Variants in KDM4C observed in about 807,000 individuals in gnomAD.
KDM4C encodes the protein lysine demethylase 4C.
Under a neutral mutation model 129.3 loss-of-function variants are expected in KDM4C, and 81 were observed. That is an observed-to-expected ratio of 0.63 (90% confidence interval 0.52 to 0.75). The LOEUF (loss-of-function observed/expected upper bound fraction) is 0.75. KDM4C is among the 30% of genes least tolerant of loss of function. The probability of loss-of-function intolerance (pLI) is 0.00; values close to 1 mark genes in which losing one functional copy is unlikely to be tolerated. For missense variants in KDM4C, 1,457 were observed against 1,304.0 expected (o/e 1.12, Z -1.81); for synonymous variants, 573 against 456.1 (o/e 1.26, Z -3.26).
chr9:6,828,839 C>T (rs1475618431), intron 4 of KDM4C, among the ~76,000 whole-genome samples: 1 of 151,726 alleles, frequency 6.6e-6, no homozygotes, highest in Admixed American at 6.6e-5. Context: ...CCATTGCACT[C>T]CAGCCTGGGC....
At chr9:6,834,485 C>T (rs561917599) in intron 4 of KDM4C, 9 of 603,248 alleles carry the variant, frequency 1.5e-5, no homozygotes, top group Admixed American at 1.3e-4. Flanking sequence ...CGCCCGTCGT[C>T]GACAACGGCT....
intron 8 of KDM4C, among the ~76,000 whole-genome samples, chr9:6,965,354 G>T (rs566448795): frequency 6.6e-6 from 1 of 151,618 alleles, no homozygotes; most frequent in African/African-American, 2.4e-5. Context: ...TTTATATATA[G>T]AGAGATATAT....
chr9:7,172,610 C>G (rs1280557806), intron 21 of KDM4C, among the ~76,000 whole-genome samples: 1 of 152,220 alleles, frequency 6.6e-6, no homozygotes, highest in Non-Finnish European at 1.5e-5. Flanking sequence ...GTTTTCTTCT[C>G]TAGTGAAACT....
At chr9:7,039,298 A>C (rs533328050) in intron 15 of KDM4C, among the ~76,000 whole-genome samples, 1 of 152,108 alleles carries the variant, frequency 6.6e-6, no homozygotes, top group East Asian at 1.9e-4. Flanking sequence ...TTGGTTATTT[A>C]TTCAGCTCTG....
chr9:7,162,676 A>T (rs1843926614), intron 19 of KDM4C, among the ~76,000 whole-genome samples: 2 of 152,104 alleles, frequency 1.3e-5, no homozygotes, highest in South Asian at 4.1e-4. Flanking sequence ...ATTTTGAGGG[A>T]TTTTATTTTA....
At chr9:6,784,567 A>T (rs1418931984) in intron 1 of KDM4C, among the ~76,000 whole-genome samples, 1 of 152,162 alleles carries the variant, frequency 6.6e-6, no homozygotes, top group East Asian at 1.9e-4. Flanking sequence ...AAGAGGAAAA[A>T]AAAATCCTTT....
rs73400914 is a variant in KDM4C, at chr9:7,172,707, G to A, written c.2995-1846G>A. Among the ~76,000 whole-genome samples the A allele has an allele frequency of 9.5e-3, 1,440 of 152,278 alleles. 24 individuals are homozygous for A. Among genetic ancestry groups the A allele is most frequent in the African/African-American group, 0.033 (1,365 of 41,560 alleles). On this transcript the variant is annotated intron_variant, in intron 21 of 21. Transcript: ENST00000381309. ...TGGCTGGAAACATGAACAGCTTTACGCTTCGGTACATTTTTTGTTTTCAGG... is the reference window on the plus strand; with the variant it reads ...TGGCTGGAAACATGAACAGCTTTACACTTCGGTACATTTTTTGTTTTCAGG...
chr9:6,832,393 A>G (rs983735487), intron 4 of KDM4C, among the ~76,000 whole-genome samples: 13 of 150,480 alleles, frequency 8.6e-5, no homozygotes, highest in Non-Finnish European at 1.2e-4. Flanking sequence ...GAAAATATGA[A>G]TAAAGTAGTA....
intron 3 of KDM4C, among the ~76,000 whole-genome samples, chr9:6,813,277 C>T (rs1470233976): frequency 6.6e-6 from 1 of 152,210 alleles, no homozygotes; most frequent in African/African-American, 2.4e-5. Context: ...CTCAAATGAT[C>T]TTCCTGCTTT....
intron 8 of KDM4C, among the ~76,000 whole-genome samples, chr9:6,946,517 G>T (rs1050330522): frequency 4.6e-5 from 7 of 152,026 alleles, no homozygotes; most frequent in Non-Finnish European, 7.4e-5. Context: ...CTTGGTATTT[G>T]TATGCCATGC....
intron 8 of KDM4C, among the ~76,000 whole-genome samples, chr9:6,952,358 G>A (rs1266506497): frequency 1.3e-5 from 2 of 151,038 alleles, no homozygotes; most frequent in African/African-American, 4.9e-5. Flanking sequence ...ATTCAGTAAT[G>A]TTGTTAGGCC....
At chr9:7,160,500 C>G (rs529691771) in intron 19 of KDM4C, among the ~76,000 whole-genome samples, 14 of 152,320 alleles carry the variant, frequency 9.2e-5, no homozygotes, top group African/African-American at 2.4e-4. Flanking sequence ...TGGTGACCTA[C>G]AGATCGGGTT....
chr9:7,163,431 C>T (rs78489529), intron 19 of KDM4C, among the ~76,000 whole-genome samples: 1,606 of 152,136 alleles, frequency 0.011, 28 homozygotes, highest in African/African-American at 0.036. Context: ...AAAATTAAGT[C>T]GTAACTAATC....
chr9:7,152,665 A>C (rs1263970304), intron 19 of KDM4C, among the ~76,000 whole-genome samples: 5 of 152,212 alleles, frequency 3.3e-5, no homozygotes, highest in African/African-American at 1.2e-4. Flanking sequence ...ACTGAAATTT[A>C]CAATTGAATG....
intron 8 of KDM4C, 100 bp downstream of exon 8, chr9:6,893,332 A>G: frequency 4.3e-6 from 4 of 937,314 alleles, no homozygotes; most frequent in Non-Finnish European, 6.1e-6. Flanking sequence ...ATTCTTCCTC[A>G]CTGGCGCCAT....
intron 15 of KDM4C, among the ~76,000 whole-genome samples, chr9:7,021,875 G>A (rs1465883453): frequency 6.6e-6 from 1 of 152,064 alleles, no homozygotes; most frequent in Non-Finnish European, 1.5e-5. Context: ...TTCCATTTAA[G>A]TATCTAGTTT....
At chr9:7,002,953 C>G (rs1416642043) in intron 12 of KDM4C, among the ~76,000 whole-genome samples, 1 of 152,214 alleles carries the variant, frequency 6.6e-6, no homozygotes, top group East Asian at 1.9e-4. Flanking sequence ...CTCCATCTCC[C>G]AGGTTCAAGT....
chr9:6,887,904 T>C (rs1306063882), intron 6 of KDM4C, 56 bp from the exon 7 acceptor site: 2 of 1,023,754 alleles, frequency 2.0e-6, no homozygotes, highest in Non-Finnish European at 3.1e-6. Flanking sequence ...AAAAAACCTA[T>C]TTGATATTTT....
At chr9:6,872,284 T>A (rs1353975230) in intron 5 of KDM4C, among the ~76,000 whole-genome samples, 1 of 151,904 alleles carries the variant, frequency 6.6e-6, no homozygotes, top group Non-Finnish European at 1.5e-5. Context: ...AGACACAAGG[T>A]TTTGAGGTGG....
Sources: gnomAD v4.1 joint callset for allele counts (sites outside exome capture counted in the v4.1 genomes callset) on GRCh38, gnomAD v4.1.1 for gene constraint, MANE v1.5 for transcripts, NCBI Gene and HGNC (gene_info 2026-07-23, HGNC 2026-07-21) for gene names.